Variants in MEF2C observed in about 807,000 individuals in gnomAD.
MEF2C encodes the protein myocyte enhancer factor 2C.
In MEF2C, 6 loss-of-function variants were observed where a neutral mutation model predicts 50.5. The ratio of observed to expected loss-of-function variants is 0.12; its 90% CI spans 0.07 to 0.23. The LOEUF (loss-of-function observed/expected upper bound fraction) is 0.23. MEF2C is among the 10% of genes least tolerant of loss of function. MEF2C has a pLI of 1.00. For synonymous variants in MEF2C, 183 were observed against 228.0 expected, an observed-to-expected ratio of 0.80 and a Z score of 1.78; for missense variants, 276 against 605.0, an observed-to-expected ratio of 0.46 and a Z score of 5.70.
chr5:88,764,905 T>C (rs1379918879), intron 3 of MEF2C, among the ~76,000 whole-genome samples: 1 of 152,086 alleles, frequency 6.6e-6, no homozygotes, highest in Non-Finnish European at 1.5e-5. Flanking sequence ...TTGATTTTCT[T>C]AGATGTCAAA....
At chr5:88,901,073 T>G (rs1231271354) in intron 1 of MEF2C, among the ~76,000 whole-genome samples, 3 of 151,972 alleles carry the variant, frequency 2.0e-5, no homozygotes, top group Admixed American at 2.0e-4. Context: ...AATAACTCTA[T>G]AGATATGGAC....
rs186639702 is a variant in MEF2C at position 88,735,139 on chromosome 5, G to T, written c.638-3238C>A. The T allele has an allele frequency of 7.1e-6, 7 of 985,202 alleles. No homozygotes were observed. In the Admixed American group the frequency reaches 1.8e-4, roughly 26 times the overall value. 61.0% of individuals were successfully genotyped at this position (985,202 alleles called of 1,614,324 possible). On this transcript the variant is annotated intron_variant, in intron 6 of 10. Coordinates refer to ENST00000504921, the MANE Select transcript of MEF2C (RefSeq NM_002397.5). The stretch of plus-strand genomic sequence containing the variant: ...TTGAAAATCAATGATGAATACATGC[G>T]TGTGGTTTACTGCTAAGAAGAGCCT...
intron 4 of MEF2C, among the ~76,000 whole-genome samples, chr5:88,759,240 T>G (rs190428688): frequency 1.3e-5 from 2 of 152,090 alleles, no homozygotes; most frequent in East Asian, 3.9e-4. Context: ...CCCAGCACCT[T>G]GGGAGGCCCA....
chr5:88,799,247 T>C (rs1348658453), intron 3 of MEF2C, among the ~76,000 whole-genome samples: 1 of 152,224 alleles, frequency 6.6e-6, no homozygotes, highest in Non-Finnish European at 1.5e-5. Flanking sequence ...CGCCCACAGC[T>C]GCCCCTTCCC....
intron 2 of MEF2C, among the ~76,000 whole-genome samples, chr5:88,820,950 A>G (rs1403674214): frequency 6.6e-6 from 1 of 152,002 alleles, no homozygotes; most frequent in Non-Finnish European, 1.5e-5. Flanking sequence ...ACTGAAATAT[A>G]TATTAAAACA....
chr5:88,822,984 T>C (rs1033679957), intron 2 of MEF2C, among the ~76,000 whole-genome samples: 1 of 151,940 alleles, frequency 6.6e-6, no homozygotes, highest in African/African-American at 2.4e-5. Flanking sequence ...TCTCCCCTAG[T>C]GTGAAGAAAA....
Position 88,744,213 on chromosome 5 carries a change from G to A in MEF2C, c.637+4857C>T, listed in dbSNP as rs1020539681. 7.9e-4 allele frequency: 687 copies of A among 868,310 alleles called. 1 individual carries two copies. The highest frequency in any genetic ancestry group is 9.0e-4 in the Non-Finnish European group (649 of 723,176). The allele number at this position is 868,310 out of a possible 1,614,324, so 53.8% of individuals were successfully genotyped here. A position where few individuals can be genotyped will look rare whatever the true frequency, so the allele number is the denominator to read the frequency against. On this transcript the variant is annotated intron_variant, in intron 6 of 10. Transcript: ENST00000504921. Reference sequence around the variant, plus strand: ...TTAAATCTAATGACTACAAACAACCGAACTTGATCTTACCATCATCAATAA... The same window carrying A: ...TTAAATCTAATGACTACAAACAACCAAACTTGATCTTACCATCATCAATAA...
intron 2 of MEF2C, among the ~76,000 whole-genome samples, chr5:88,811,929 A>G (rs922823310): frequency 6.6e-6 from 1 of 152,150 alleles, no homozygotes; most frequent in Non-Finnish European, 1.5e-5. Flanking sequence ...AAAATTGCTT[A>G]ACTTACCGGA....
chr5:88,775,975 C>T (rs1017112187), intron 3 of MEF2C: 4 of 185,496 alleles, frequency 2.2e-5, no homozygotes, highest in African/African-American at 7.1e-5. Context: ...CCAAATGTTT[C>T]ACCATTATAC....
chr5:88,739,517 A>T (rs1381344570), intron 6 of MEF2C: 1 of 979,010 alleles, frequency 1.0e-6, no homozygotes, highest in East Asian at 1.1e-4. Context: ...TCAAATGAAC[A>T]TACATCTTTT....
At chr5:88,865,600 T>C (rs12054920) in intron 1 of MEF2C, among the ~76,000 whole-genome samples, 69,309 of 152,004 alleles carry the variant, frequency 0.46, 16,547 homozygotes, top group Non-Finnish European at 0.53. Flanking sequence ...AATATAAATA[T>C]GGTGTTTTAT....
intron 6 of MEF2C, chr5:88,741,112 T>TC (rs1766537063): frequency 1.0e-6 from 1 of 985,330 alleles, no homozygotes; most frequent in Non-Finnish European, 1.2e-6. Flanking sequence ...ACATCCGCTT[T>TC]ACTTCCACCC....
chr5:88,833,279 T>C (rs1364599487), intron 1 of MEF2C, among the ~76,000 whole-genome samples: 1 of 152,192 alleles, frequency 6.6e-6, no homozygotes, highest in Non-Finnish European at 1.5e-5. Context: ...GTAATAAATG[T>C]ACTAAAATTT....
intron 3 of MEF2C, among the ~76,000 whole-genome samples, chr5:88,789,150 T>C (rs1002604218): frequency 6.6e-6 from 1 of 151,984 alleles, no homozygotes; most frequent in Non-Finnish European, 1.5e-5. Flanking sequence ...TATTAATTCA[T>C]ATATCTACTT....
chr5:88,796,776 C>T (rs1478899371), intron 3 of MEF2C, among the ~76,000 whole-genome samples: 1 of 152,166 alleles, frequency 6.6e-6, no homozygotes, highest in African/African-American at 2.4e-5. Flanking sequence ...AAATTCACCT[C>T]CTCTAAACAC....
At chr5:88,888,215 C>T (rs1036309070) in intron 1 of MEF2C, 1 of 152,324 alleles carries the variant, frequency 6.6e-6, no homozygotes, top group East Asian at 1.9e-4. Flanking sequence ...GACAAATGCT[C>T]CTGTGTTCTG....
At chr5:88,811,384 C>T (rs1197533048) in intron 2 of MEF2C, among the ~76,000 whole-genome samples, 1 of 152,080 alleles carries the variant, frequency 6.6e-6, no homozygotes, top group Non-Finnish European at 1.5e-5. Flanking sequence ...TCCCACCAAG[C>T]AGGAAGCAGC....
intron 1 of MEF2C, among the ~76,000 whole-genome samples, chr5:88,863,382 C>T (rs1370234823): frequency 6.6e-6 from 1 of 152,162 alleles, no homozygotes; most frequent in African/African-American, 2.4e-5. Context: ...CAGTTGACGT[C>T]CAAGAAGTGT....
In MEF2C at chr5:88,806,556, T is replaced by C. The variant is rs553977180; in HGVS notation, c.55-1755A>G. ...CTCCCCACCCTCCCCCACAACTAAA[T>C]AGATTTATGTTGACAAGGACTGTGG... On this transcript the variant is annotated intron_variant, in intron 2 of 10. Coordinates refer to ENST00000504921, the MANE Select transcript of MEF2C (RefSeq NM_002397.5). 1.3e-4 allele frequency among the ~76,000 whole-genome samples: 20 copies of C among 151,888 alleles called. No homozygotes were observed. The South Asian group carries it at 3.8e-3, about 29-fold the overall frequency.
Sources: gnomAD v4.1 joint callset for allele counts (sites outside exome capture counted in the v4.1 genomes callset) on GRCh38, gnomAD v4.1.1 for gene constraint, MANE v1.5 for transcripts, NCBI Gene and HGNC (gene_info 2026-07-23, HGNC 2026-07-21) for gene names.